Variants in CELF2 observed in about 807,000 individuals in gnomAD.
The protein encoded by CELF2 is CUG triplet repeat RNA-binding protein 2.
Under a neutral mutation model 62.6 loss-of-function variants are expected in CELF2, and 8 were observed. The ratio of observed to expected loss-of-function variants is 0.13; its 90% CI spans 0.07 to 0.23. The LOEUF (loss-of-function observed/expected upper bound fraction) is 0.23, where lower values mean the gene tolerates loss of function less well. Ranked by LOEUF, CELF2 falls within the 10% of genes least tolerant of loss-of-function variation. CELF2 has a pLI of 1.00. For missense variants in CELF2, 333 were observed against 671.0 expected (o/e 0.50, Z 5.56); for synonymous variants, 258 against 250.0 (o/e 1.03, Z -0.30).
intron 7 of CELF2, among the ~76,000 whole-genome samples, chr10:11,271,288 C>G (rs1425435482): frequency 6.6e-6 from 1 of 152,214 alleles, no homozygotes; most frequent in African/African-American, 2.4e-5. Flanking sequence ...CAACAAAATT[C>G]TATTCTATTT....
intron 2 of CELF2, among the ~76,000 whole-genome samples, chr10:11,173,702 C>T (rs1370701904): frequency 6.6e-6 from 1 of 152,162 alleles, no homozygotes; most frequent in Non-Finnish European, 1.5e-5. Context: ...ATCCATTCTC[C>T]TGCTTCATTA....
chr10:10,614,089 G>A, the CELF2 span, among the ~76,000 whole-genome samples: 1 of 152,164 alleles, frequency 6.6e-6, no homozygotes, highest in Non-Finnish European at 1.5e-5. Flanking sequence ...ATTCATGAGA[G>A]TGGGCAGTAA....
chr10:10,799,306 C>G (rs187390169), intron 1 of CELF2, among the ~76,000 whole-genome samples: 207 of 148,092 alleles, frequency 1.4e-3, no homozygotes, highest in African/African-American at 4.9e-3. Context: ...ATGGCAAAAC[C>G]ACCCCTGTCT....
In CELF2 at chr10:10,908,214, A is replaced by T. The variant is rs372468125; in HGVS notation, c.54-11750A>T. Among the ~76,000 whole-genome samples, 236 of 83,700 alleles carry T rather than the reference A, an allele frequency of 2.8e-3. 1 individual carries two copies. Among genetic ancestry groups the T allele is most frequent in the South Asian group, 4.8e-3 (9 of 1,858 alleles). The allele number at this position is 83,700 out of a possible 152,430, so 54.9% of individuals were successfully genotyped here. ...TCCTTGTCAAAGAATGTATGAGGGG[A>T]TTTTTTTTTTTTTTTTTTTTTTTGA... On this transcript the variant is annotated intron_variant, in intron 1 of 13. Transcript: ENST00000636488.
At chr10:10,538,038 G>A in the CELF2 span, among the ~76,000 whole-genome samples, 5 of 152,074 alleles carry the variant, frequency 3.3e-5, no homozygotes, top group African/African-American at 1.2e-4. Flanking sequence ...GAAAAGCAGA[G>A]CCCACCCAAA....
At chr10:10,696,583 C>T in the CELF2 span, among the ~76,000 whole-genome samples, 35 of 151,940 alleles carry the variant, frequency 2.3e-4, 1 homozygote, top group Admixed American at 9.2e-4. Context: ...TGGGCAATGG[C>T]GGGCGCCCCT....
chr10:10,697,107 T>G, the CELF2 span, among the ~76,000 whole-genome samples: 1 of 142,764 alleles, frequency 7.0e-6, no homozygotes, highest in Non-Finnish European at 1.5e-5. Context: ...ATGTCCTGCT[T>G]TAGAAGGAGA....
At chr10:10,825,559 C>G (rs1027961442) in intron 1 of CELF2, among the ~76,000 whole-genome samples, 15 of 152,190 alleles carry the variant, frequency 9.9e-5, no homozygotes, top group Admixed American at 2.0e-4. Flanking sequence ...TTCCTGTGTT[C>G]CCATAAACTT....
At chr10:10,810,000 A>AT (rs774987810) in intron 1 of CELF2, among the ~76,000 whole-genome samples, 6 of 152,188 alleles carry the variant, frequency 3.9e-5, no homozygotes, top group Admixed American at 2.6e-4. Context: ...GGGTTTCTAT[A>AT]TTTCTGACAG....
chr10:11,092,062 AC>A (rs2048474881), intron 1 of CELF2, among the ~76,000 whole-genome samples: 1 of 152,222 alleles, frequency 6.6e-6, no homozygotes, highest in Admixed American at 6.5e-5. Context: ...TTAATCTGTA[AC>A]TTCTAATCCA....
At chr10:11,033,334 C>T (rs974060597) in intron 1 of CELF2, among the ~76,000 whole-genome samples, 14 of 151,914 alleles carry the variant, frequency 9.2e-5, no homozygotes, top group Admixed American at 3.9e-4. Context: ...CTCGGCGCAC[C>T]GCAACTTCCA....
the CELF2 span, among the ~76,000 whole-genome samples, chr10:10,756,196 C>G: frequency 1.3e-5 from 2 of 152,146 alleles, no homozygotes; most frequent in African/African-American, 4.8e-5. Context: ...CTTTCCATTT[C>G]TATATATTTT....
chr10:10,985,270 C>A (rs933833048), intron 2 of CELF2, among the ~76,000 whole-genome samples: 1 of 151,786 alleles, frequency 6.6e-6, no homozygotes, highest in Non-Finnish European at 1.5e-5. Context: ...AATACACCCC[C>A]ACATTACATT....
chr10:10,621,053 C>A, the CELF2 span, among the ~76,000 whole-genome samples: 5 of 149,838 alleles, frequency 3.3e-5, no homozygotes, highest in Non-Finnish European at 7.4e-5. Context: ...GAAACCCCGT[C>A]TCCACTAAAA....
the CELF2 span, among the ~76,000 whole-genome samples, chr10:10,463,272 A>G: frequency 1.3e-5 from 2 of 152,158 alleles, no homozygotes; most frequent in African/African-American, 4.8e-5. Flanking sequence ...ATTTCTGTGT[A>G]TACTCTGCCT....
chr10:11,197,186 C>G (rs1379129839), intron 2 of CELF2, among the ~76,000 whole-genome samples: 1 of 151,844 alleles, frequency 6.6e-6, no homozygotes, highest in Non-Finnish European at 1.5e-5. Context: ...TCATTTTACA[C>G]GGAAAAGAAA....
the CELF2 span, among the ~76,000 whole-genome samples, chr10:10,557,906 G>A: frequency 7.0e-6 from 1 of 142,826 alleles, no homozygotes; most frequent in Non-Finnish European, 1.5e-5. Context: ...CTTTGCTGAA[G>A]TTGCTTATCA....
At chr10:10,736,276 C>T in the CELF2 span, among the ~76,000 whole-genome samples, 16 of 152,032 alleles carry the variant, frequency 1.1e-4, no homozygotes, top group Admixed American at 7.2e-4. Flanking sequence ...CGAATGTGGT[C>T]CACTCTCTAG....
At chr10:10,882,959 G>T (rs1249862825) in intron 1 of CELF2, among the ~76,000 whole-genome samples, 1 of 152,118 alleles carries the variant, frequency 6.6e-6, no homozygotes, top group Non-Finnish European at 1.5e-5. Context: ...TAAGCTCTGG[G>T]CATGATAAGA....
Sources: gnomAD v4.1 joint callset for allele counts (sites outside exome capture counted in the v4.1 genomes callset) on GRCh38, gnomAD v4.1.1 for gene constraint, MANE v1.5 for transcripts, NCBI Gene and HGNC (gene_info 2026-07-23, HGNC 2026-07-21) for gene names.